ALDH7A1: variants seen among roughly 807,000 people sequenced by gnomAD.
The protein encoded by ALDH7A1 is alpha-aminoadipic semialdehyde dehydrogenase.
ALDH7A1 carries 63 observed loss-of-function variants against 79.9 expected under a neutral mutation model. The ratio of observed to expected loss-of-function variants is 0.79; its 90% CI spans 0.64 to 0.97. The LOEUF (loss-of-function observed/expected upper bound fraction) is 0.97. Among genes scored for constraint, ALDH7A1 ranks in the 50% least tolerant of loss-of-function variants. ALDH7A1 has a pLI of 0.00. For missense variants in ALDH7A1, 627 were observed against 665.2 expected (o/e 0.94, Z 0.63); for synonymous variants, 240 against 231.2 (o/e 1.04, Z -0.34).
intron 13 of ALDH7A1, 65 bp from the exon 14 acceptor site, chr5:126,552,202 G>A: frequency 8.0e-7 from 1 of 1,248,636 alleles, no homozygotes; most frequent in Non-Finnish European, 1.2e-6. Flanking sequence ...GGGGTCAGAG[G>A]ATGCAATCTT....
chr5:126,548,111 G>T (rs1488292680), intron 16 of ALDH7A1, among the ~76,000 whole-genome samples: 1 of 151,914 alleles, frequency 6.6e-6, no homozygotes, highest in East Asian at 1.9e-4. Context: ...AGAAAAGTAT[G>T]AGCAAAACTA....
chr5:126,560,198 G>A lies in ALDH7A1; in HGVS notation c.914-864C>T, dbSNP rs536902654. 2.8e-4 allele frequency among the ~76,000 whole-genome samples: 40 copies of A among 144,732 alleles called. 1 individual carries two copies. The highest frequency in any genetic ancestry group is 2.5e-3 in the South Asian group (12 of 4,762). 94.9% of individuals were successfully genotyped at this position (144,732 alleles called of 152,430 possible). On this transcript the variant is annotated intron_variant, in intron 10 of 17. Coordinates refer to ENST00000409134, the MANE Select transcript of ALDH7A1 (RefSeq NM_001182.5). ...TTAAAAGTCCATCCAGAGGCCAGGCGTGATGGCTCATGCCTGTAATCCCAG... is the reference window on the plus strand; with the variant it reads ...TTAAAAGTCCATCCAGAGGCCAGGCATGATGGCTCATGCCTGTAATCCCAG...
chr5:126,575,644 T>C (rs1370838924), intron 6 of ALDH7A1, among the ~76,000 whole-genome samples, 180 bp from the exon 7 acceptor site: 1 of 152,166 alleles, frequency 6.6e-6, no homozygotes, highest in Non-Finnish European at 1.5e-5. Flanking sequence ...CTTTGAGACC[T>C]AAGGAACAAC....
At chr5:126,594,089 T>C in intron 1 of ALDH7A1, 2 of 385,872 alleles carry the variant, frequency 5.2e-6, no homozygotes, top group South Asian at 3.8e-5. Context: ...AAAAAAAATC[T>C]GGGCGATAAT....
intron 8 of ALDH7A1, chr5:126,569,387 G>GCC (rs1451391573): frequency 1.3e-5 from 2 of 152,152 alleles, no homozygotes; most frequent in African/African-American, 4.8e-5. Flanking sequence ...GGCTATGCTA[G>GCC]GATTTCCAGT....
intron 16 of ALDH7A1, among the ~76,000 whole-genome samples, chr5:126,548,893 CTAAAAAAAA>C (rs1749888448): frequency 2.4e-5 from 1 of 41,796 alleles, no homozygotes; most frequent in Non-Finnish European, 4.3e-5. Context: ...GGGCCTGTTT[CTAAAAAAAA>C]AAAAAAAAAA....
At chr5:126,561,163 C>T (rs1208134134) in intron 9 of ALDH7A1, 39 bp from the exon 10 acceptor site, 1 of 1,518,930 alleles carries the variant, frequency 6.6e-7, no homozygotes, top group Non-Finnish European at 9.0e-7. Flanking sequence ...TTAATGCCTA[C>T]TTCCATATTT....
chr5:126,546,909 G>T (rs1345611445), intron 16 of ALDH7A1, among the ~76,000 whole-genome samples: 4 of 152,124 alleles, frequency 2.6e-5, no homozygotes. Context: ...TACTCACCTG[G>T]TCTTTCTCAT....
chr5:126,576,539 T>C (rs1161815577), intron 6 of ALDH7A1, among the ~76,000 whole-genome samples: 4 of 152,160 alleles, frequency 2.6e-5, no homozygotes, highest in African/African-American at 7.2e-5. Context: ...AAATATAACA[T>C]TTTTACTATC....
chr5:126,577,695 T>C (rs1158997706), intron 5 of ALDH7A1, among the ~76,000 whole-genome samples: 1 of 151,968 alleles, frequency 6.6e-6, no homozygotes, highest in East Asian at 2.0e-4. Context: ...CCCTCCTGAG[T>C]AGCTGGGATT....
chr5:126,550,139 G>A, intron 15 of ALDH7A1, 57 bp downstream of exon 15: 1 of 1,564,438 alleles, frequency 6.4e-7, no homozygotes, highest in Non-Finnish European at 8.8e-7. Context: ...GTTTTTTTAA[G>A]TCCACTCACC....
chr5:126,546,050 C>T (rs1334538910), intron 17 of ALDH7A1, among the ~76,000 whole-genome samples: 1 of 152,120 alleles, frequency 6.6e-6, no homozygotes, highest in Non-Finnish European at 1.5e-5. Context: ...GAGTTCGAGA[C>T]CAGCCTGACC....
At chr5:126,592,394 A>T (rs1398663588) in intron 3 of ALDH7A1, 4 of 453,818 alleles carry the variant, frequency 8.8e-6, no homozygotes, top group Non-Finnish European at 1.6e-5. Context: ...AATAGTGTTC[A>T]CAGCTCAAGT....
rs542660252 is a variant in ALDH7A1 at position 126,551,535 on chromosome 5, C to A, written c.1317+486G>T. Among the ~76,000 whole-genome samples, 4 of 152,136 alleles carry A rather than the reference C, an allele frequency of 2.6e-5. No individual in the cohort carries two copies. The East Asian group carries it at 7.7e-4, about 29-fold the overall frequency. On this transcript the variant is annotated intron_variant, in intron 14 of 17. Transcript: ENST00000409134. ...ACGGGGTTTCACCATGTTGGCCAGG[C>A]TGGTCTCGAACTCCTGACCTCAGGT...
At chr5:126,580,910 C>T (rs578088793) in intron 5 of ALDH7A1, among the ~76,000 whole-genome samples, 154 of 152,154 alleles carry the variant, frequency 1.0e-3, no homozygotes, top group Non-Finnish European at 1.8e-3. Flanking sequence ...CCGCCACCTC[C>T]GCCTCCCGGG....
chr5:126,553,650 G>A (rs1036312543), intron 13 of ALDH7A1, among the ~76,000 whole-genome samples: 3 of 151,766 alleles, frequency 2.0e-5, no homozygotes, highest in Admixed American at 6.6e-5. Flanking sequence ...AGGCGAGGTT[G>A]CAGTGAGCTG....
chr5:126,588,494 A>G (rs1298564944), intron 3 of ALDH7A1: 1 of 152,180 alleles, frequency 6.6e-6, no homozygotes, highest in Non-Finnish European at 1.5e-5. Flanking sequence ...AAACCAGTTC[A>G]GGAAAAGACA....
chr5:126,552,275 C>T, intron 13 of ALDH7A1, 138 bp from the exon 14 acceptor site: 2 of 670,732 alleles, frequency 3.0e-6, no homozygotes, highest in East Asian at 2.7e-5. Context: ...TCCAAAATAA[C>T]TTCCAATCAT....
At chr5:126,574,925 C>T (rs1673042389) in intron 7 of ALDH7A1, among the ~76,000 whole-genome samples, 1 of 152,042 alleles carries the variant, frequency 6.6e-6, no homozygotes, top group South Asian at 2.1e-4. Context: ...ACCAGAGCTG[C>T]CAAATTCTCA....
Sources: gnomAD v4.1 joint callset for allele counts (sites outside exome capture counted in the v4.1 genomes callset) on GRCh38, gnomAD v4.1.1 for gene constraint, MANE v1.5 for transcripts, NCBI Gene and HGNC (gene_info 2026-07-23, HGNC 2026-07-21) for gene names.